Variants in SGCZ observed in about 807,000 individuals in gnomAD.
SGCZ encodes zeta-sarcoglycan.
Under a neutral mutation model 41.3 loss-of-function variants are expected in SGCZ, and 40 were observed. That is an observed-to-expected ratio of 0.97 (90% CI 0.75 to 1.26). SGCZ has a LOEUF of 1.26. SGCZ is among the 50% of genes most tolerant of loss of function. SGCZ has a pLI of 0.00. For missense variants in SGCZ, 552 were observed against 369.8 expected (o/e 1.49, Z -4.04); for synonymous variants, 206 against 137.5 (o/e 1.50, Z -3.49).
chr8:14,485,032 G>C (rs1801635408), intron 2 of SGCZ, among the ~76,000 whole-genome samples: 1 of 152,058 alleles, frequency 6.6e-6, no homozygotes, highest in Non-Finnish European at 1.5e-5. Flanking sequence ...TGGCTTTAAA[G>C]GACTAAAAAT....
chr8:14,093,158 C>T (rs1161499084), intron 7 of SGCZ, among the ~76,000 whole-genome samples: 2 of 152,068 alleles, frequency 1.3e-5, no homozygotes, highest in Non-Finnish European at 2.9e-5. Context: ...CCTAAATTGA[C>T]AGGAGTAGGA....
chr8:14,881,195 A>G, intron 1 of SGCZ, among the ~76,000 whole-genome samples: 1 of 152,206 alleles, frequency 6.6e-6, no homozygotes, highest in East Asian at 1.9e-4. Context: ...GTTGCATACT[A>G]ATTTTAATAA....
At chr8:15,111,833 G>A (rs370895130) in intron 1 of SGCZ, among the ~76,000 whole-genome samples, 47 of 151,636 alleles carry the variant, frequency 3.1e-4, no homozygotes, top group African/African-American at 1.1e-3. Context: ...CAGGGAGTCA[G>A]AGGTAGCAGT....
At chr8:14,333,183 A>G (rs1169125088) in intron 2 of SGCZ, among the ~76,000 whole-genome samples, 1 of 152,170 alleles carries the variant, frequency 6.6e-6, no homozygotes, top group East Asian at 1.9e-4. Context: ...CTGGAAGTTA[A>G]GGTTACCTGC....
At chr8:15,035,460 G>C (rs955708911) in intron 1 of SGCZ, among the ~76,000 whole-genome samples, 1 of 152,056 alleles carries the variant, frequency 6.6e-6, no homozygotes, top group Non-Finnish European at 1.5e-5. Context: ...AAGACAACCA[G>C]AATACAATTA....
At chr8:14,994,402 G>A (rs559060844) in intron 1 of SGCZ, among the ~76,000 whole-genome samples, 4 of 152,182 alleles carry the variant, frequency 2.6e-5, no homozygotes, top group East Asian at 3.9e-4. Context: ...TGGACAACAC[G>A]GTGAAACCCT....
intron 3 of SGCZ, among the ~76,000 whole-genome samples, chr8:14,273,277 T>G (rs898839166): frequency 6.6e-6 from 1 of 152,180 alleles, no homozygotes; most frequent in Non-Finnish European, 1.5e-5. Flanking sequence ...TGCTGCCATT[T>G]TAATTACAAG....
chr8:14,928,855 G>A (rs1799841760), intron 1 of SGCZ, among the ~76,000 whole-genome samples: 1 of 152,072 alleles, frequency 6.6e-6, no homozygotes, highest in African/African-American at 2.4e-5. Flanking sequence ...TTAATATACA[G>A]AAATGAATGG....
intron 2 of SGCZ, among the ~76,000 whole-genome samples, chr8:14,472,153 G>A (rs540477463): frequency 1.3e-5 from 2 of 152,140 alleles, no homozygotes; most frequent in African/African-American, 2.4e-5. Context: ...AGTTCCAATT[G>A]TAATTTTAGA....
chr8:14,614,338 C>A (rs1806024991), intron 1 of SGCZ, among the ~76,000 whole-genome samples: 2 of 152,072 alleles, frequency 1.3e-5, no homozygotes, highest in South Asian at 4.1e-4. Context: ...AATATAATTC[C>A]CATATCAACC....
At chr8:14,272,352 A>T (rs1023582506) in intron 3 of SGCZ, among the ~76,000 whole-genome samples, 3 of 152,184 alleles carry the variant, frequency 2.0e-5, no homozygotes, top group Non-Finnish European at 4.4e-5. Context: ...ATACAGGGTG[A>T]CTATATGACG....
chr8:15,008,974 A>T (rs1474830234), intron 1 of SGCZ, among the ~76,000 whole-genome samples: 2 of 152,146 alleles, frequency 1.3e-5, no homozygotes, highest in African/African-American at 2.4e-5. Context: ...TGCACACAAT[A>T]CTAGGTTATA....
chr8:14,590,599 G>C (rs1450846473), intron 1 of SGCZ, among the ~76,000 whole-genome samples: 1 of 150,130 alleles, frequency 6.7e-6, no homozygotes, highest in African/African-American at 2.4e-5. Context: ...TTGTTTTAAA[G>C]TGTATTTTAT....
At chr8:14,972,568 T>A (rs923198880) in intron 1 of SGCZ, among the ~76,000 whole-genome samples, 1 of 152,196 alleles carries the variant, frequency 6.6e-6, no homozygotes, top group Non-Finnish European at 1.5e-5. Flanking sequence ...ATTTGTTCTC[T>A]GCTCTTTTTC....
At chr8:14,406,801 A>G (rs978545959) in intron 2 of SGCZ, among the ~76,000 whole-genome samples, 3 of 152,180 alleles carry the variant, frequency 2.0e-5, no homozygotes, top group African/African-American at 4.8e-5. Context: ...AAAATAATTA[A>G]AAGTGGGTAT....
At chr8:14,325,536 T>C (rs1802063224) in intron 2 of SGCZ, among the ~76,000 whole-genome samples, 1 of 147,470 alleles carries the variant, frequency 6.8e-6, no homozygotes, top group African/African-American at 2.5e-5. Context: ...ATAATCAAAA[T>C]CATATATAAT....
intron 1 of SGCZ, among the ~76,000 whole-genome samples, chr8:14,782,865 G>C (rs1444255612): frequency 1.3e-5 from 2 of 152,168 alleles, no homozygotes. Flanking sequence ...TCATGCATAT[G>C]CTTCAACAGC....
At position 15,099,692 on chromosome 8, in the gene SGCZ, A is replaced by G. The variant is rs561923853; in HGVS notation, c.39+137893T>C. 3.3e-5 allele frequency among the ~76,000 whole-genome samples: 5 copies of G among 152,330 alleles called. No individual in the cohort carries two copies. In the East Asian group the frequency reaches 9.6e-4, roughly 29 times the overall value. ...GAGAAAATTACACCAATATCTCTCT[A>G]AAAATTCTCAGTAAAATATTAGCAA... On this transcript the variant is annotated intron_variant, in intron 1 of 7. Transcript: ENST00000382080.
chr8:14,105,893 G>A (rs35065526), intron 6 of SGCZ, among the ~76,000 whole-genome samples: 19,568 of 151,718 alleles, frequency 0.13, 1,760 homozygotes, highest in South Asian at 0.23. Context: ...TTACCAAAAC[G>A]TTAGAAATAA....
Sources: gnomAD v4.1 joint callset for allele counts (sites outside exome capture counted in the v4.1 genomes callset) on GRCh38, gnomAD v4.1.1 for gene constraint, MANE v1.5 for transcripts, NCBI Gene and HGNC (gene_info 2026-07-23, HGNC 2026-07-21) for gene names.